CHD9: variants seen among roughly 807,000 people sequenced by gnomAD.
CHD9 encodes the protein ATP-dependent chromatin remodeler CHD9.
CHD9 carries 77 observed loss-of-function variants against 316.1 expected under a neutral mutation model. That is an observed-to-expected ratio of 0.24 (90% confidence interval 0.20 to 0.29). The LOEUF is 0.29. Ranked by LOEUF, CHD9 falls within the 10% of genes least tolerant of loss-of-function variation. CHD9 has a pLI of 1.00. For missense variants in CHD9, 2,763 were observed against 3,438.1 expected (o/e 0.80, Z 4.91); for synonymous variants, 1,129 against 1,158.3 (o/e 0.97, Z 0.51).
intron 4 of CHD9, among the ~76,000 whole-genome samples, chr16:53,226,021 A>C (rs1254354756): frequency 6.6e-6 from 1 of 152,120 alleles, no homozygotes; most frequent in Non-Finnish European, 1.5e-5. Context: ...GTAATGTAGT[A>C]ATAAAGGTAT....
chr16:53,174,385 G>A (rs1238558691), intron 2 of CHD9, among the ~76,000 whole-genome samples: 1 of 152,064 alleles, frequency 6.6e-6, no homozygotes, highest in Admixed American at 6.6e-5. Context: ...TACATAATTT[G>A]TATGTTTTAA....
chr16:53,183,096 AC>A (rs1055734213), intron 2 of CHD9, among the ~76,000 whole-genome samples: 22 of 152,360 alleles, frequency 1.4e-4, no homozygotes, highest in African/African-American at 4.1e-4. Context: ...CAGCTTCTAT[AC>A]TAACACTTGA....
rs780700312 is a variant in CHD9 at position 53,256,800 on chromosome 16, CCTT to C, written c.4209+1026_4209+1028del. 1.6e-4 allele frequency among the ~76,000 whole-genome samples: 25 copies of C among 152,148 alleles called. No homozygotes were observed. In the South Asian group the frequency reaches 2.3e-3, roughly 14 times the overall value. ...CCACTGAACTTCCTTTCTACATTTC[CCTT>C]CTTCCCCATTCCCCTCTCTGCTTTC... is the stretch of plus-strand genomic sequence containing the variant. On this transcript the variant is annotated intron_variant, in intron 19 of 38. Coordinates refer to ENST00000447540, the MANE Select transcript of CHD9 (RefSeq NM_001308319.2).
At chr16:53,083,853 C>T (rs1454524416) in intron 1 of CHD9, among the ~76,000 whole-genome samples, 1 of 152,002 alleles carries the variant, frequency 6.6e-6, no homozygotes, top group African/African-American at 2.4e-5. Flanking sequence ...TGGCCTCAAG[C>T]GATCCTCCCA....
chr16:53,327,160 G>A lies in CHD9; in HGVS notation c.*2265G>A, dbSNP rs770947442. 6.6e-6 allele frequency: 1 copy of A among 152,334 alleles called. No homozygotes were observed. The highest frequency in any genetic ancestry group is 1.5e-5 in the Non-Finnish European group (1 of 67,916). The allele number at this position is 152,334 out of a possible 1,614,324, so 9.4% of individuals were successfully genotyped here. On this transcript the variant is annotated 3_prime_UTR_variant, in exon 39 of 39. Transcript: ENST00000447540. ...GCAAATATGGTTGTGTAAAGTTAAGGGTTATAAGGAAAAAAAAATCAGTAG... is the reference window on the plus strand; with the variant it reads ...GCAAATATGGTTGTGTAAAGTTAAGAGTTATAAGGAAAAAAAAATCAGTAG...
chr16:53,175,529 T>C (rs2043042565), intron 2 of CHD9, among the ~76,000 whole-genome samples: 1 of 152,262 alleles, frequency 6.6e-6, no homozygotes, highest in African/African-American at 2.4e-5. Context: ...TACTCCATCT[T>C]GGCCCTAATC....
intron 30 of CHD9, among the ~76,000 whole-genome samples, chr16:53,300,246 G>C (rs1003152007): frequency 1.3e-5 from 2 of 152,034 alleles, no homozygotes; most frequent in Non-Finnish European, 2.9e-5. Context: ...CCAGCTACTC[G>C]GGAGGCTGAG....
chr16:53,304,168 G>A lies in CHD9; in HGVS notation c.6162G>A (p.Glu2054=). 1 of 1,612,502 alleles carries A rather than the reference G, an allele frequency of 6.2e-7. No homozygotes were observed. Among genetic ancestry groups the A allele is most frequent in the Non-Finnish European group, 8.5e-7 (1 of 1,179,352 alleles). The change falls in exon 31 of 39, where the codon GAG becomes GAA. Residue 2054 remains glutamate (E), a synonymous_variant. Coordinates refer to ENST00000447540, the MANE Select transcript of CHD9 (RefSeq NM_001308319.2). ...EMKVKSENLK[E]EPQSSEEESM... is the part of the protein sequence containing the mutation. ...AAGTTAAAAGTGAAAACCTTAAAGAGGAGCCTCAGTCTTCTGAAGAAGAAT... is the reference window on the plus strand; with the variant it reads ...AAGTTAAAAGTGAAAACCTTAAAGAAGAGCCTCAGTCTTCTGAAGAAGAAT...
intron 34 of CHD9, among the ~76,000 whole-genome samples, chr16:53,312,464 AG>A (rs1318413713): frequency 6.6e-6 from 1 of 152,248 alleles, no homozygotes; most frequent in Non-Finnish European, 1.5e-5. Context: ...TCTAGAAAAT[AG>A]GGTTGTCAGA....
Position 53,321,603 on chromosome 16 carries a change from T to G in CHD9, c.7791T>G (p.Pro2597=). The change falls in exon 38 of 39, where the codon CCT becomes CCG. Residue 2597 remains proline, a synonymous_variant. Coordinates refer to ENST00000447540, the MANE Select transcript of CHD9 (RefSeq NM_001308319.2). The part of the protein sequence containing the change: ...LKENSEYGVA[P]EWGDVVKQSG... ...AAAATTCAGAATATGGAGTAGCTCC[T>G]GAATGGGGAGATGTTGTTAAGCAAT... The G allele has an allele frequency of 1.3e-6, 2 of 1,534,224 alleles. No individual in the cohort carries two copies. The highest frequency in any genetic ancestry group is 8.8e-7 in the Non-Finnish European group (1 of 1,132,354).
rs774258913 is a variant in CHD9, at chr16:53,209,620, T to A, written c.1591T>A (p.Ser531Thr). The change falls in exon 3 of 39, where the codon TCA (serine) becomes ACA (threonine). Residue 531 changes from serine to threonine, a missense_variant. Around this residue, in one of 15 missense-constraint regions of CHD9, gnomAD observed 859 missense variants for 890.4 expected, o/e 0.96. Transcript: ENST00000447540. ...SKQEKANRII[S>T]EAIAKAKERG... ...GCAAGAAAAGGCTAATCGTATAATATCAGAGGCCATAGCAAAAGCAAAGGA... is the reference window on the plus strand; with the variant it reads ...GCAAGAAAAGGCTAATCGTATAATAACAGAGGCCATAGCAAAAGCAAAGGA... 1 of 1,613,752 alleles carries A rather than the reference T, an allele frequency of 6.2e-7. No individual in the cohort carries two copies. Among genetic ancestry groups the A allele is most frequent in the Non-Finnish European group, 8.5e-7 (1 of 1,179,816 alleles).
intron 1 of CHD9, among the ~76,000 whole-genome samples, chr16:53,148,100 G>A (rs1201436628): frequency 1.3e-5 from 2 of 152,038 alleles, no homozygotes; most frequent in African/African-American, 2.4e-5. Context: ...CCAGCTACTC[G>A]GGAGGCTGAG....
intron 21 of CHD9, 70 bp downstream of exon 21, chr16:53,267,560 T>C (rs2051817986): frequency 9.2e-7 from 1 of 1,088,898 alleles, no homozygotes; most frequent in Non-Finnish European, 1.3e-6. Flanking sequence ...ATATACTGGT[T>C]TTGAGTATAT....
At chr16:53,251,499 A>T (rs1382457919) in intron 17 of CHD9, among the ~76,000 whole-genome samples, 1 of 152,186 alleles carries the variant, frequency 6.6e-6, no homozygotes, top group Non-Finnish European at 1.5e-5. Context: ...CCTAGAGCAA[A>T]GTTGCCCATT....
intron 1 of CHD9, among the ~76,000 whole-genome samples, chr16:53,118,168 T>A (rs1260442766): frequency 6.6e-6 from 1 of 152,068 alleles, no homozygotes; most frequent in Non-Finnish European, 1.5e-5. Context: ...TTAAGAAATC[T>A]CCCCTTGGGA....
chr16:53,245,209 CATA>C lies in CHD9; in HGVS notation c.3055-125_3055-123del. The C allele has an allele frequency of 2.0e-5, 12 of 602,108 alleles. No individual in the cohort carries two copies. Among genetic ancestry groups the C allele is most frequent in the South Asian group, 3.6e-5 (1 of 27,584 alleles). 37.3% of individuals were successfully genotyped at this position (602,108 alleles called of 1,614,324 possible). A position where few individuals can be genotyped will look rare whatever the true frequency, so the allele number is the denominator to read the frequency against. On this transcript the variant is annotated intron_variant, in intron 13 of 38. Transcript: ENST00000447540. The surrounding 1 kb of genome is among the most constrained non-coding windows in gnomAD (Gnocchi z 4.1). ...ATATATATATATACACACACACACA[CATA>C]ACATATATATATGTATATATAGTCA...
chr16:53,182,939 G>A (rs940296129), intron 2 of CHD9, among the ~76,000 whole-genome samples: 2 of 152,122 alleles, frequency 1.3e-5, no homozygotes, highest in Admixed American at 6.5e-5. Flanking sequence ...ATATACGAAT[G>A]CATATGAATA....
chr16:53,255,287 T>A (rs2050497165), intron 18 of CHD9, among the ~76,000 whole-genome samples: 1 of 151,902 alleles, frequency 6.6e-6, no homozygotes, highest in African/African-American at 2.4e-5. Context: ...CTAGCATGGA[T>A]AACAGAGCAA....
chr16:53,301,497 T>C (rs1172346783), intron 30 of CHD9, among the ~76,000 whole-genome samples: 2 of 152,192 alleles, frequency 1.3e-5, no homozygotes, highest in Non-Finnish European at 2.9e-5. Context: ...ACATAACATA[T>C]TGAAAGAAAA....
Sources: allele counts gnomAD v4.1 joint callset (sites outside exome capture counted in the v4.1 genomes callset), GRCh38; gene constraint gnomAD v4.1.1; regional missense constraint gnomAD v4.1.1; non-coding constraint Gnocchi (gnomAD v3.1); transcripts MANE v1.5; gene names NCBI Gene and HGNC (gene_info 2026-07-23, HGNC 2026-07-21).